Variants in CDKAL1 observed in about 807,000 individuals in gnomAD.
CDKAL1 encodes the protein threonylcarbamoyladenosine tRNA methylthiotransferase.
A neutral mutation model predicts 68.2 loss-of-function variants in CDKAL1; 32 were observed. That is an observed-to-expected ratio of 0.47 (90% confidence interval 0.35 to 0.63). CDKAL1 has a LOEUF of 0.63. Among genes scored for constraint, CDKAL1 ranks in the 30% least tolerant of loss-of-function variants. CDKAL1 has a pLI of 0.00. For synonymous variants in CDKAL1, 234 were observed against 244.3 expected, an observed-to-expected ratio of 0.96 and a Z score of 0.39; for missense variants, 606 against 696.7, an observed-to-expected ratio of 0.87 and a Z score of 1.47.
At chr6:21,203,502 C>T (rs1778777741) in intron 15 of CDKAL1, among the ~76,000 whole-genome samples, 4 of 151,602 alleles carry the variant, frequency 2.6e-5, no homozygotes, top group Admixed American at 2.6e-4. Context: ...TCCCAAAGTG[C>T]TGGAATTACA....
At chr6:20,974,637 G>A (rs1180424942) in intron 10 of CDKAL1, among the ~76,000 whole-genome samples, 1 of 151,948 alleles carries the variant, frequency 6.6e-6, no homozygotes, top group Non-Finnish European at 1.5e-5. Context: ...TCCTTGAAAG[G>A]CTGTTATCGA....
rs759238067 is a variant in CDKAL1 at position 20,977,889 on chromosome 6, GATA to G, written c.909+22316_909+22318del. On this transcript the variant is annotated intron_variant, in intron 10 of 15. Coordinates refer to ENST00000274695, the MANE Select transcript of CDKAL1 (RefSeq NM_017774.3). ...TGAGACTCCGTCTCAAAATATTAAT[GATA>G]ATAATAATAATCATTATTTATGTAA... 1.9e-3 allele frequency among the ~76,000 whole-genome samples: 286 copies of G among 151,940 alleles called. 1 individual carries two copies. The highest frequency in any genetic ancestry group is 4.9e-3 in the African/African-American group (205 of 41,430).
intron 4 of CDKAL1, among the ~76,000 whole-genome samples, chr6:20,578,045 A>G (rs1764985152): frequency 6.6e-6 from 1 of 152,192 alleles, no homozygotes; most frequent in South Asian, 2.1e-4. Flanking sequence ...ACTATATGTC[A>G]TAAATCTCTG....
intron 9 of CDKAL1, among the ~76,000 whole-genome samples, chr6:20,846,513 A>C (rs560535813): frequency 6.6e-6 from 1 of 152,352 alleles, no homozygotes; most frequent in South Asian, 2.1e-4. Context: ...TTTTGTGGAC[A>C]AGTGAAATAC....
chr6:21,117,914 G>T (rs1029642383), intron 13 of CDKAL1, among the ~76,000 whole-genome samples: 1 of 152,160 alleles, frequency 6.6e-6, no homozygotes, highest in Admixed American at 6.5e-5. Flanking sequence ...ACGTGTGTCA[G>T]CTACAGTTTT....
chr6:20,845,780 T>C (rs1778354026), intron 8 of CDKAL1, among the ~76,000 whole-genome samples: 1 of 152,204 alleles, frequency 6.6e-6, no homozygotes, highest in Non-Finnish European at 1.5e-5. Context: ...TTCTTTTGAT[T>C]AGTCATTGTA....
intron 5 of CDKAL1, among the ~76,000 whole-genome samples, chr6:20,653,026 A>T (rs1768845450): frequency 6.6e-6 from 1 of 152,132 alleles, no homozygotes; most frequent in African/African-American, 2.4e-5. Flanking sequence ...TTCTTCTGAG[A>T]TTTACATCTT....
intron 4 of CDKAL1, among the ~76,000 whole-genome samples, chr6:20,570,072 TTTTA>T (rs578156096): frequency 6.6e-4 from 100 of 152,018 alleles, no homozygotes; most frequent in African/African-American, 2.2e-3. Flanking sequence ...AGCGAAAGCT[TTTTA>T]TTTATTTATT....
chr6:20,731,582 G>T (rs989382730), intron 5 of CDKAL1, among the ~76,000 whole-genome samples: 1 of 152,156 alleles, frequency 6.6e-6, no homozygotes, highest in Non-Finnish European at 1.5e-5. Flanking sequence ...CAAACTTACG[G>T]CCTTTAGTAC....
intron 2 of CDKAL1, among the ~76,000 whole-genome samples, chr6:20,545,008 G>T (rs1406164365): frequency 6.6e-6 from 1 of 151,698 alleles, no homozygotes; most frequent in Non-Finnish European, 1.5e-5. Context: ...TGTTTGGCTG[G>T]AGTAGAATGA....
At chr6:20,826,410 T>G (rs538023307) in intron 8 of CDKAL1, among the ~76,000 whole-genome samples, 29 of 152,330 alleles carry the variant, frequency 1.9e-4, no homozygotes, top group Admixed American at 1.8e-3. Flanking sequence ...TCAGGTGTTT[T>G]GAATTGTTTT....
chr6:20,886,805 G>C (rs1333730809), intron 9 of CDKAL1, among the ~76,000 whole-genome samples: 2 of 152,132 alleles, frequency 1.3e-5, no homozygotes, highest in African/African-American at 2.4e-5. Context: ...AAAAGCTTTG[G>C]AAATGGTGGT....
chr6:20,696,923 T>G (rs1032476988), intron 5 of CDKAL1, among the ~76,000 whole-genome samples: 5 of 152,190 alleles, frequency 3.3e-5, no homozygotes, highest in Admixed American at 6.5e-5. Context: ...AATTTCAGCA[T>G]TTTCCACATT....
At chr6:20,994,296 T>C (rs1412308382) in intron 10 of CDKAL1, among the ~76,000 whole-genome samples, 4 of 152,122 alleles carry the variant, frequency 2.6e-5, no homozygotes, top group African/African-American at 7.2e-5. Flanking sequence ...CTGGCCGATA[T>C]GGTGAAACCC....
intron 4 of CDKAL1, among the ~76,000 whole-genome samples, chr6:20,573,708 G>A (rs1251673874): frequency 6.6e-6 from 1 of 152,098 alleles, no homozygotes; most frequent in Non-Finnish European, 1.5e-5. Context: ...AATTTTGGAT[G>A]TTCTTAACAT....
intron 12 of CDKAL1, among the ~76,000 whole-genome samples, chr6:21,070,957 A>G (rs1050674283): frequency 8.5e-5 from 13 of 152,176 alleles, no homozygotes; most frequent in Non-Finnish European, 1.5e-4. Context: ...TGATTTGTGT[A>G]TACATTAAAA....
At chr6:20,879,065 C>T (rs931357983) in intron 9 of CDKAL1, among the ~76,000 whole-genome samples, 1 of 151,058 alleles carries the variant, frequency 6.6e-6, no homozygotes, top group Admixed American at 6.6e-5. Flanking sequence ...GGTGACAGAG[C>T]AAGATTCTAT....
chr6:20,955,507 A>G lies in CDKAL1; in HGVS notation c.831A>G (p.Lys277=). 6.2e-7 allele frequency: 1 copy of G among 1,614,182 alleles called. No homozygotes were observed. The highest frequency in any genetic ancestry group is 1.1e-5 in the South Asian group (1 of 91,086). The stretch of plus-strand genomic sequence containing the variant: ...CCAATCTCCCCACACTCCTGTGGAA[A>G]CTGGTTGAAGTGATTCCTGAGGGAG... The part of the protein sequence containing the change: ...IGTNLPTLLW[K]LVEVIPEGAM... The change falls in exon 10 of 16, where the codon AAA becomes AAG. Residue 277 remains lysine, a synonymous_variant. Coordinates refer to ENST00000274695, the MANE Select transcript of CDKAL1 (RefSeq NM_017774.3).
At chr6:21,156,153 G>C (rs1241188088) in intron 13 of CDKAL1, among the ~76,000 whole-genome samples, 3 of 152,062 alleles carry the variant, frequency 2.0e-5, no homozygotes, top group African/African-American at 7.2e-5. Context: ...GGGCATGGTG[G>C]CTCACACCTG....
Sources: gnomAD v4.1 joint callset for allele counts (sites outside exome capture counted in the v4.1 genomes callset) on GRCh38, gnomAD v4.1.1 for gene constraint, MANE v1.5 for transcripts, NCBI Gene and HGNC (gene_info 2026-07-23, HGNC 2026-07-21) for gene names.